GBE1: variants seen among roughly 807,000 people sequenced by gnomAD.
GBE1 encodes the protein 1,4-alpha-glucan-branching enzyme.
GBE1 carries 70 observed loss-of-function variants against 88.8 expected under a neutral mutation model. The ratio of observed to expected loss-of-function variants is 0.79; its 90% CI spans 0.65 to 0.96. The LOEUF (loss-of-function observed/expected upper bound fraction) is 0.96, where lower values mean the gene tolerates loss of function less well. GBE1 is among the 40% of genes least tolerant of loss of function. The pLI is 0.00. For missense variants in GBE1, 872 were observed against 871.0 expected (o/e 1.00, Z -0.01); for synonymous variants, 284 against 300.1 (o/e 0.95, Z 0.56).
intron 12 of GBE1, among the ~76,000 whole-genome samples, chr3:81,571,674 G>T (rs368129137): frequency 2.0e-5 from 3 of 152,102 alleles, no homozygotes; most frequent in African/African-American, 7.2e-5. Flanking sequence ...TCTGTTCCAA[G>T]AATAATTTTT....
intron 6 of GBE1, among the ~76,000 whole-genome samples, chr3:81,643,348 G>A (rs958846454): frequency 3.9e-5 from 6 of 152,070 alleles, no homozygotes; most frequent in African/African-American, 9.7e-5. Context: ...CTTACAGGGT[G>A]TACATTTGAG....
chr3:81,533,435 C>T (rs1218157636), intron 14 of GBE1, among the ~76,000 whole-genome samples: 1 of 152,070 alleles, frequency 6.6e-6, no homozygotes, highest in Non-Finnish European at 1.5e-5. Flanking sequence ...ACTACAGCCT[C>T]CTCTCCTAGA....
chr3:81,551,671 C>T (rs540126524), intron 12 of GBE1, among the ~76,000 whole-genome samples: 8 of 152,218 alleles, frequency 5.3e-5, no homozygotes, highest in Non-Finnish European at 8.8e-5. Context: ...CTTACTATGA[C>T]TGATGTCTCA....
intron 3 of GBE1, among the ~76,000 whole-genome samples, chr3:81,658,864 T>C (rs1470529212): frequency 6.6e-6 from 1 of 152,130 alleles, no homozygotes; most frequent in African/African-American, 2.4e-5. Flanking sequence ...CAAGTGAGAA[T>C]AAACACTCCT....
chr3:81,525,439 TTTA>T (rs1036798116), intron 14 of GBE1, among the ~76,000 whole-genome samples: 3 of 152,078 alleles, frequency 2.0e-5, no homozygotes, highest in African/African-American at 7.2e-5. Flanking sequence ...TTGCCAGTAT[TTTA>T]TTGAGGATTT....
chr3:81,749,005 C>CAAAAAAAAAAAAAAAAA (rs34051030), intron 1 of GBE1, among the ~76,000 whole-genome samples: 1 of 108,090 alleles, frequency 9.3e-6, no homozygotes, highest in Admixed American at 9.6e-5. Context: ...GACTCTGTCT[C>CAAAAAAAAAAAAAAAAA]AAAAAAAAAA....
chr3:81,539,582 T>C (rs1320040286), intron 12 of GBE1, among the ~76,000 whole-genome samples: 5 of 151,924 alleles, frequency 3.3e-5, no homozygotes, highest in Admixed American at 3.3e-4. Flanking sequence ...ATCCAATGTA[T>C]AACAGATGAT....
chr3:81,607,931 A>G (rs796359781), intron 7 of GBE1, among the ~76,000 whole-genome samples: 6 of 152,290 alleles, frequency 3.9e-5, no homozygotes, highest in African/African-American at 1.4e-4. Flanking sequence ...GGACAGCATA[A>G]AAAGTATAGA....
intron 2 of GBE1, among the ~76,000 whole-genome samples, chr3:81,682,023 T>C (rs1050449847): frequency 2.2e-4 from 33 of 152,342 alleles, no homozygotes; most frequent in Admixed American, 2.0e-3. Flanking sequence ...TTTCAAATCA[T>C]ATATTTGATA....
At chr3:81,738,880 A>C (rs555027521) in intron 1 of GBE1, among the ~76,000 whole-genome samples, 1 of 152,162 alleles carries the variant, frequency 6.6e-6, no homozygotes, top group Non-Finnish European at 1.5e-5. Flanking sequence ...TGCTATAACA[A>C]AATACCTTAG....
chr3:81,563,916 A>T (rs543666393), intron 12 of GBE1, among the ~76,000 whole-genome samples: 41 of 138,644 alleles, frequency 3.0e-4, no homozygotes, highest in African/African-American at 8.6e-4. Context: ...GGAGGGAGGG[A>T]GGGAGTGAGG....
intron 7 of GBE1, among the ~76,000 whole-genome samples, chr3:81,598,656 T>C (rs1331675009): frequency 6.6e-6 from 1 of 151,968 alleles, no homozygotes; most frequent in Non-Finnish European, 1.5e-5. Context: ...TAGTAATTCA[T>C]ATCTAGTAGT....
rs534448972 is a variant in GBE1, at chr3:81,758,916, G to A, written c.143+2459C>T. Reference sequence around the variant, plus strand: ...GTGTTGTGGGAGGGACCTGATGGGAGGTAACTGAATCATGGGGGCAGGTCT... The same window carrying A: ...GTGTTGTGGGAGGGACCTGATGGGAAGTAACTGAATCATGGGGGCAGGTCT... On this transcript the variant is annotated intron_variant, in intron 1 of 15. Coordinates refer to ENST00000429644, the MANE Select transcript of GBE1 (RefSeq NM_000158.4). Among the ~76,000 whole-genome samples the A allele has an allele frequency of 3.9e-5, 6 of 152,302 alleles. No homozygotes were observed. In the South Asian group the frequency reaches 1.2e-3, roughly 32 times the overall value.
chr3:81,561,446 G>T (rs1298591782), intron 12 of GBE1, among the ~76,000 whole-genome samples: 1 of 151,826 alleles, frequency 6.6e-6, no homozygotes, highest in Non-Finnish European at 1.5e-5. Flanking sequence ...GTCAACAGAG[G>T]GATAGAAACT....
chr3:81,681,882 A>G (rs972350758), intron 2 of GBE1, among the ~76,000 whole-genome samples: 2 of 152,244 alleles, frequency 1.3e-5, no homozygotes, highest in African/African-American at 4.8e-5. Context: ...CTGTTCTTTA[A>G]TATCACACAA....
At chr3:81,586,810 CAG>C (rs1703808516) in intron 9 of GBE1, among the ~76,000 whole-genome samples, 1 of 149,120 alleles carries the variant, frequency 6.7e-6, no homozygotes, top group Non-Finnish European at 1.5e-5. Flanking sequence ...TTTTTTGACA[CAG>C]AGTTTCACCC....
At chr3:81,640,476 G>T (rs2047015) in intron 7 of GBE1, among the ~76,000 whole-genome samples, 3,604 of 151,984 alleles carry the variant, frequency 0.024, 162 homozygotes, top group African/African-American at 0.082. Flanking sequence ...CTGCACTATC[G>T]GCTTCCCTAC....
chr3:81,549,124 G>A (rs182853798), intron 12 of GBE1, among the ~76,000 whole-genome samples: 158 of 149,046 alleles, frequency 1.1e-3, no homozygotes, highest in African/African-American at 3.6e-3. Flanking sequence ...CCGCCTCCCT[G>A]GTTCAAGCAA....
At chr3:81,640,043 G>C (rs1406315321) in intron 7 of GBE1, among the ~76,000 whole-genome samples, 8 of 152,186 alleles carry the variant, frequency 5.3e-5, no homozygotes, top group Admixed American at 3.3e-4. Flanking sequence ...GTAGGACTTT[G>C]ATCATGATTG....
Sources: allele counts gnomAD v4.1 joint callset (sites outside exome capture counted in the v4.1 genomes callset), GRCh38; gene constraint gnomAD v4.1.1; transcripts MANE v1.5; gene names NCBI Gene and HGNC (gene_info 2026-07-23, HGNC 2026-07-21).